ADCY7: variants seen among roughly 807,000 people sequenced by gnomAD.
The protein encoded by ADCY7 is adenylate cyclase 7.
Under a neutral mutation model 120.6 loss-of-function variants are expected in ADCY7, and 72 were observed. The ratio of observed to expected loss-of-function variants is 0.60; its 90% CI spans 0.49 to 0.73. The LOEUF is 0.73. Among genes scored for constraint, ADCY7 ranks in the 30% least tolerant of loss-of-function variants. ADCY7 has a pLI of 0.00. For synonymous variants in ADCY7, 661 were observed against 628.0 expected, an observed-to-expected ratio of 1.05 and a Z score of -0.78; for missense variants, 1,227 against 1,486.0, an observed-to-expected ratio of 0.83 and a Z score of 2.87.
intron 1 of ADCY7, among the ~76,000 whole-genome samples, chr16:50,261,495 G>A (rs1012466049): frequency 6.6e-6 from 1 of 152,194 alleles, no homozygotes; most frequent in Non-Finnish European, 1.5e-5. Context: ...GCAAGCCATG[G>A]AAGTTGTTTG....
At chr16:50,263,010 G>A (rs1026921848), upstream of ADCY7, among the ~76,000 whole-genome samples, 1 of 152,248 alleles carries the variant, frequency 6.6e-6, no homozygotes, top group Non-Finnish European at 1.5e-5. Context: ...CCCTATGGAA[G>A]CTTGTCCTTG....
At chr16:50,259,769 C>T (rs147714637) in intron 1 of ADCY7, among the ~76,000 whole-genome samples, 4 of 152,302 alleles carry the variant, frequency 2.6e-5, no homozygotes, top group Non-Finnish European at 5.9e-5. Context: ...TTTGGAGTGG[C>T]TTTGGGGCTT....
intron 3 of ADCY7, 120 bp downstream of exon 3, chr16:50,290,780 A>G: frequency 8.6e-7 from 1 of 1,157,812 alleles, no homozygotes; most frequent in South Asian, 1.6e-5. Flanking sequence ...GGATGGCCCC[A>G]GGCTGGTTTT....
At chr16:50,252,970 C>T (rs1446419480) in intron 1 of ADCY7, among the ~76,000 whole-genome samples, 1 of 152,134 alleles carries the variant, frequency 6.6e-6, no homozygotes, top group Non-Finnish European at 1.5e-5. Flanking sequence ...AAAAGTTGAG[C>T]ATTACAACTT....
At position 50,280,569 on chromosome 16, in the gene ADCY7, C is replaced by T. The variant is rs191108000; in HGVS notation, c.-268-7343C>T. On this transcript the variant is annotated intron_variant, in intron 1 of 25. Transcript: ENST00000673801. ...TTGAGATCTTTCTAAGTTTTTGATTCGGACATTTAGTGCTATGAATTTCCC... is the reference window on the plus strand; with the variant it reads ...TTGAGATCTTTCTAAGTTTTTGATTTGGACATTTAGTGCTATGAATTTCCC... Among the ~76,000 whole-genome samples, 6 of 152,190 alleles carry T rather than the reference C, an allele frequency of 3.9e-5. No homozygotes were observed. In the East Asian group the frequency reaches 9.7e-4, roughly 24 times the overall value.
chr16:50,312,004 G>A (rs1195429187), intron 20 of ADCY7, 32 bp from the exon 21 acceptor site: 1 of 1,612,430 alleles, frequency 6.2e-7, no homozygotes, highest in Admixed American at 1.7e-5. Context: ...ACTTGCCTGT[G>A]GACGGGGCGC....
intron 1 of ADCY7, among the ~76,000 whole-genome samples, chr16:50,277,573 G>C (rs1377958542): frequency 6.6e-6 from 1 of 151,910 alleles, no homozygotes. Flanking sequence ...ACCCAGGCTA[G>C]ACTCAAACTT....
Position 50,313,963 on chromosome 16 carries a change from A to G in ADCY7, c.2757A>G (p.Leu919=). ...CGCTTCCTTCTTGCCTGCAGCTCCT[A>G]CTGAAGCCCAAGTTCAGCGGCGTGG... ...NEIIADFDEL[L]LKPKFSGVEK... The change falls in exon 23 of 26, where the codon CTA becomes CTG. Residue 919 remains leucine, a synonymous_variant. Transcript: ENST00000673801. The G allele has an allele frequency of 6.2e-7, 1 of 1,613,342 alleles. No individual in the cohort carries two copies. Among genetic ancestry groups the G allele is most frequent in the Admixed American group, 1.7e-5 (1 of 59,992 alleles).
intron 1 of ADCY7, among the ~76,000 whole-genome samples, chr16:50,246,465 C>A (rs909996924): frequency 6.6e-6 from 1 of 152,096 alleles, no homozygotes; most frequent in Non-Finnish European, 1.5e-5. Context: ...CAGACGCTGC[C>A]CCAGCTGGCG....
At chr16:50,299,831 T>A (rs1433928758) in intron 8 of ADCY7, among the ~76,000 whole-genome samples, 1 of 152,296 alleles carries the variant, frequency 6.6e-6, no homozygotes, top group East Asian at 1.9e-4. Flanking sequence ...CCCAGCCTTG[T>A]TGGTGGACAC....
chr16:50,276,014 C>T (rs1217810418), intron 1 of ADCY7, among the ~76,000 whole-genome samples: 4 of 152,234 alleles, frequency 2.6e-5, no homozygotes, highest in Non-Finnish European at 2.9e-5. Context: ...CAGAGCTTGT[C>T]TTGAGGCCTG....
chr16:50,314,692 C>G, intron 24 of ADCY7: 1 of 462,062 alleles, frequency 2.2e-6, no homozygotes, highest in Non-Finnish European at 3.8e-6. Flanking sequence ...GTTACTAAAC[C>G]TAAATAGTTG....
intron 4 of ADCY7, 163 bp from the exon 5 acceptor site, chr16:50,292,513 C>T: frequency 1.2e-6 from 1 of 825,852 alleles, no homozygotes; most frequent in Non-Finnish European, 1.9e-6. Context: ...TAGCTCCTGT[C>T]TGGGCCTCAG....
chr16:50,293,412 T>C lies in ADCY7; in HGVS notation c.746T>C (p.Ile249Thr). Residue 249 changes from isoleucine to threonine, a missense_variant, in exon 6 of 26, where the codon ATC becomes ACC. Ile to Thr is a moderately conservative substitution (Grantham distance 89). Around this residue, in one of 5 missense-constraint regions of ADCY7, gnomAD observed 382 missense variants for 411.4 expected, o/e 0.93. Transcript: ENST00000673801. Reference sequence around the variant, plus strand: ...ATCTCCATGGGCATGAAGCTGGCCATCATCGAACGGCTCAAGGAGCATGGT... The same window carrying C: ...ATCTCCATGGGCATGAAGCTGGCCACCATCGAACGGCTCAAGGAGCATGGT... The part of the protein sequence containing the change: ...AHISMGMKLA[I>T]IERLKEHGDR... 6.2e-7 allele frequency: 1 copy of C among 1,614,012 alleles called. No individual in the cohort carries two copies. The highest frequency in any genetic ancestry group is 8.5e-7 in the Non-Finnish European group (1 of 1,180,002).
intron 1 of ADCY7, among the ~76,000 whole-genome samples, chr16:50,280,489 G>C (rs1273277219): frequency 1.3e-5 from 2 of 151,860 alleles, no homozygotes; most frequent in African/African-American, 4.8e-5. Context: ...CTAGGCTTGG[G>C]GTTGATTTGT....
intron 6 of ADCY7, among the ~76,000 whole-genome samples, chr16:50,294,211 G>T (rs114629998): frequency 0.018 from 2,716 of 152,286 alleles, 92 homozygotes; most frequent in African/African-American, 0.062. Flanking sequence ...TTCGGCAAGG[G>T]CTGTGTGAGG....
At chr16:50,294,548 G>A in intron 6 of ADCY7, 92 bp from the exon 7 acceptor site, 2 of 825,608 alleles carry the variant, frequency 2.4e-6, no homozygotes, top group Non-Finnish European at 3.8e-6. Flanking sequence ...GGCCTGGCAG[G>A]CTCCTGGGGC....
chr16:50,308,828 A>G, intron 17 of ADCY7, 36 bp downstream of exon 17: 1 of 1,574,964 alleles, frequency 6.3e-7, no homozygotes, highest in Non-Finnish European at 8.6e-7. Context: ...CCTCCGGGGT[A>G]GAGGGAGACC....
chr16:50,263,620 G>A (rs988952271), upstream of ADCY7, among the ~76,000 whole-genome samples: 1 of 152,058 alleles, frequency 6.6e-6, no homozygotes, highest in Admixed American at 6.5e-5. Context: ...GGCCCCATAA[G>A]CTCCCAGCAG....
Sources: allele counts gnomAD v4.1 joint callset (sites outside exome capture counted in the v4.1 genomes callset), GRCh38; gene constraint gnomAD v4.1.1; regional missense constraint gnomAD v4.1.1; transcripts MANE v1.5; gene names NCBI Gene and HGNC (gene_info 2026-07-23, HGNC 2026-07-21).